Variants in BICC1 observed in about 807,000 individuals in gnomAD.
The protein encoded by BICC1 is protein bicaudal C homolog 1.
A neutral mutation model predicts 111.0 loss-of-function variants in BICC1; 43 were observed. The ratio of observed to expected loss-of-function variants is 0.39; its 90% CI spans 0.30 to 0.50. The LOEUF (loss-of-function observed/expected upper bound fraction) is 0.50, where lower values mean the gene tolerates loss of function less well. Among genes scored for constraint, BICC1 ranks in the 20% least tolerant of loss-of-function variants. The pLI, the probability that BICC1 is intolerant of heterozygous loss-of-function variation, is 0.88. For synonymous variants in BICC1, 467 were observed against 434.4 expected (o/e 1.07, Z -0.93); for missense variants, 1,091 against 1,203.2 (o/e 0.91, Z 1.38).
intron 3 of BICC1, among the ~76,000 whole-genome samples, chr10:58,746,254 A>G (rs903285373): frequency 9.9e-5 from 15 of 152,256 alleles, no homozygotes; most frequent in Non-Finnish European, 2.9e-5. Flanking sequence ...AACTACATCA[A>G]ATATTACAAT....
chr10:58,649,437 AC>A (rs902647502), intron 2 of BICC1, among the ~76,000 whole-genome samples: 4 of 152,236 alleles, frequency 2.6e-5, no homozygotes, highest in African/African-American at 9.6e-5. Flanking sequence ...AAGCCCAGCA[AC>A]TAGAGACCAT....
At chr10:58,820,295 A>G (rs1844216828) in intron 19 of BICC1, 74 bp from the exon 20 acceptor site, 3 of 990,158 alleles carry the variant, frequency 3.0e-6, no homozygotes, top group Non-Finnish European at 4.7e-6. Flanking sequence ...AAGTGTGACA[A>G]CAAGTTGATC....
chr10:58,679,602 G>A (rs370201878), intron 2 of BICC1, among the ~76,000 whole-genome samples: 1 of 152,134 alleles, frequency 6.6e-6, no homozygotes, highest in Non-Finnish European at 1.5e-5. Flanking sequence ...AATTGTACCA[G>A]AGGTACAAAG....
At chr10:58,777,727 T>G (rs1842785129) in intron 3 of BICC1, among the ~76,000 whole-genome samples, 1 of 152,132 alleles carries the variant, frequency 6.6e-6, no homozygotes, top group South Asian at 2.1e-4. Flanking sequence ...ATATTAAGTT[T>G]CATTTGGAAA....
At position 58,830,452 on chromosome 10, in the gene BICC1, C is replaced by T. The variant is rs1183370732; in HGVS notation, c.*1561C>T. The stretch of plus-strand genomic sequence containing the variant: ...TCTACATGGACATAAACCACTCTCA[C>T]GTGCTCTCAGCAGAAGGCATTAGAT... On this transcript the variant is annotated 3_prime_UTR_variant, in exon 21 of 21. Coordinates refer to ENST00000373886, the MANE Select transcript of BICC1 (RefSeq NM_001080512.3). The T allele has an allele frequency of 2.6e-5, 4 of 152,252 alleles. No homozygotes were observed. The highest frequency in any genetic ancestry group is 6.5e-5 in the Admixed American group (1 of 15,286). 9.4% of individuals were successfully genotyped at this position (152,252 alleles called of 1,614,324 possible).
At chr10:58,627,970 T>G (rs996566592) in intron 2 of BICC1, among the ~76,000 whole-genome samples, 12 of 152,172 alleles carry the variant, frequency 7.9e-5, no homozygotes, top group Non-Finnish European at 1.3e-4. Flanking sequence ...TGGAAATATT[T>G]AATGACATGT....
intron 2 of BICC1, among the ~76,000 whole-genome samples, chr10:58,651,211 C>T (rs145421002): frequency 1.3e-5 from 2 of 152,272 alleles, no homozygotes; most frequent in Admixed American, 1.3e-4. Flanking sequence ...ACAAATACTT[C>T]CTCTGCACAG....
At chr10:58,826,353 T>A (rs555706105) in intron 20 of BICC1, among the ~76,000 whole-genome samples, 1 of 152,274 alleles carries the variant, frequency 6.6e-6, no homozygotes, top group Admixed American at 6.5e-5. Context: ...CAGACACGGT[T>A]AAGAAAATCA....
intron 1 of BICC1, among the ~76,000 whole-genome samples, chr10:58,524,732 G>C (rs1021275681): frequency 1.3e-5 from 2 of 151,976 alleles, no homozygotes; most frequent in Non-Finnish European, 2.9e-5. Context: ...AAACTAAAGA[G>C]CTTCTGCACA....
intron 2 of BICC1, among the ~76,000 whole-genome samples, chr10:58,695,294 C>T (rs1027174313): frequency 6.6e-6 from 1 of 152,156 alleles, no homozygotes; most frequent in African/African-American, 2.4e-5. Flanking sequence ...TCTTTTCTCA[C>T]TTAGCTCCCT....
intron 1 of BICC1, among the ~76,000 whole-genome samples, chr10:58,562,578 A>C (rs1177578023): frequency 6.6e-6 from 1 of 151,810 alleles, no homozygotes; most frequent in African/African-American, 2.4e-5. Flanking sequence ...TTTTCTTAGG[A>C]TCATCATTTT....
intron 3 of BICC1, among the ~76,000 whole-genome samples, chr10:58,781,431 T>A (rs1035974787): frequency 6.6e-6 from 1 of 152,228 alleles, no homozygotes; most frequent in Non-Finnish European, 1.5e-5. Flanking sequence ...ATGACCCCTG[T>A]GTTCAGGGAA....
At chr10:58,692,107 T>G (rs932763837) in intron 2 of BICC1, among the ~76,000 whole-genome samples, 8 of 152,100 alleles carry the variant, frequency 5.3e-5, no homozygotes, top group African/African-American at 1.9e-4. Context: ...GGAGCCCAGC[T>G]TGTTGGTGAT....
At position 58,637,951 on chromosome 10, in the gene BICC1, C is replaced by T. The variant is rs564377670; in HGVS notation, c.237+17050C>T. On this transcript the variant is annotated intron_variant, in intron 2 of 20. Coordinates refer to ENST00000373886, the MANE Select transcript of BICC1 (RefSeq NM_001080512.3). ...GGCCTGGGAATTTGGGGGAGGTATG[C>T]GAACAGGAAGATAAAGGGACTGATA... Among the ~76,000 whole-genome samples, 3 of 151,442 alleles carry T rather than the reference C, an allele frequency of 2.0e-5. No individual in the cohort carries two copies. The East Asian group carries it at 5.8e-4, about 29-fold the overall frequency.
chr10:58,620,958 A>G (rs1845784902), intron 2 of BICC1, 57 bp downstream of exon 2: 2 of 1,500,632 alleles, frequency 1.3e-6, no homozygotes, highest in Non-Finnish European at 1.8e-6. Context: ...TACTTATCTC[A>G]ACAGCTACCC....
chr10:58,554,175 A>T (rs1272393330), intron 1 of BICC1, among the ~76,000 whole-genome samples: 1 of 152,170 alleles, frequency 6.6e-6, no homozygotes, highest in South Asian at 2.1e-4. Flanking sequence ...TGTTAATCCC[A>T]TATTAAATTC....
Position 58,716,243 on chromosome 10 carries a change from A to G in BICC1, c.307+14100A>G. On this transcript the variant is annotated intron_variant, in intron 3 of 20. Coordinates refer to ENST00000373886, the MANE Select transcript of BICC1 (RefSeq NM_001080512.3). ...AAAAAGAATAAGAAGCATAAGAAAC[A>G]CAGTAAGAAGAAAAGGCTGTTAGTT... 12 of 1,494,562 alleles carry G rather than the reference A, an allele frequency of 8.0e-6. No homozygotes were observed. In the South Asian group the frequency reaches 1.4e-4, roughly 18 times the overall value. 92.6% of individuals were successfully genotyped at this position (1,494,562 alleles called of 1,614,324 possible).
At chr10:58,513,566 G>C (rs1377081358) in intron 1 of BICC1, among the ~76,000 whole-genome samples, 1 of 152,226 alleles carries the variant, frequency 6.6e-6, no homozygotes, top group Non-Finnish European at 1.5e-5. Context: ...GAACTTGACT[G>C]GCTTCAGAAA....
chr10:58,787,431 A>G (rs1199579911), intron 5 of BICC1, among the ~76,000 whole-genome samples: 1 of 152,178 alleles, frequency 6.6e-6, no homozygotes, highest in Non-Finnish European at 1.5e-5. Flanking sequence ...AGAGACCTGG[A>G]AGTAAATACC....
Sources: gnomAD v4.1 joint callset for allele counts (sites outside exome capture counted in the v4.1 genomes callset) on GRCh38, gnomAD v4.1.1 for gene constraint, MANE v1.5 for transcripts, NCBI Gene and HGNC (gene_info 2026-07-23, HGNC 2026-07-21) for gene names.